COMMD10: variants seen among roughly 807,000 people sequenced by gnomAD.
COMMD10 encodes COMM domain-containing protein 10.
A neutral mutation model predicts 28.9 loss-of-function variants in COMMD10; 33 were observed. The ratio of observed to expected loss-of-function variants is 1.14; its 90% confidence interval spans 0.87 to 1.53. The LOEUF (loss-of-function observed/expected upper bound fraction) is 1.53, where lower values mean the gene tolerates loss of function less well. Ranked by LOEUF, COMMD10 falls within the 40% of genes most tolerant of loss-of-function variation. The pLI is 0.00. For synonymous variants in COMMD10, 110 were observed against 81.7 expected, an observed-to-expected ratio of 1.35 and a Z score of -1.87; for missense variants, 310 against 233.4, an observed-to-expected ratio of 1.33 and a Z score of -2.14.
At chr5:116,288,991 C>G (rs1751292669) in intron 5 of COMMD10, among the ~76,000 whole-genome samples, 1 of 148,984 alleles carries the variant, frequency 6.7e-6, no homozygotes, top group African/African-American at 2.5e-5. Flanking sequence ...AAGTGATTCT[C>G]CTGCCTCAGC....
chr5:116,141,415 T>G (rs1028895923), intron 5 of COMMD10, among the ~76,000 whole-genome samples: 1 of 151,828 alleles, frequency 6.6e-6, no homozygotes, highest in Non-Finnish European at 1.5e-5. Flanking sequence ...CCATGCGAAT[T>G]TTAGAATTTT....
chr5:116,103,167 T>G (rs548842467), intron 4 of COMMD10, among the ~76,000 whole-genome samples: 13 of 152,220 alleles, frequency 8.5e-5, no homozygotes, highest in Non-Finnish European at 1.9e-4. Flanking sequence ...TGATTTATAA[T>G]CCTTTGGGTA....
At chr5:116,221,973 C>A (rs1749271777) in intron 5 of COMMD10, among the ~76,000 whole-genome samples, 1 of 152,178 alleles carries the variant, frequency 6.6e-6, no homozygotes, top group Non-Finnish European at 1.5e-5. Context: ...TGAACTGAAT[C>A]TGTCAATGTC....
intron 5 of COMMD10, among the ~76,000 whole-genome samples, chr5:116,246,029 GA>G (rs1398247395): frequency 2.0e-5 from 3 of 152,052 alleles, no homozygotes; most frequent in Non-Finnish European, 4.4e-5. Flanking sequence ...CAAATAGGAA[GA>G]GAGGAAGTCA....
At chr5:116,263,860 T>C (rs1371499862) in intron 5 of COMMD10, among the ~76,000 whole-genome samples, 2 of 151,716 alleles carry the variant, frequency 1.3e-5, no homozygotes, top group Admixed American at 1.3e-4. Context: ...AAAACCAAAA[T>C]GTACCCCGAC....
intron 4 of COMMD10, among the ~76,000 whole-genome samples, chr5:116,106,992 T>C (rs1750860123): frequency 6.6e-6 from 1 of 152,212 alleles, no homozygotes; most frequent in East Asian, 1.9e-4. Context: ...AGATTAATAT[T>C]GTCATGTGTG....
chr5:116,277,107 GA>G (rs1008956040), intron 5 of COMMD10, among the ~76,000 whole-genome samples: 3 of 151,750 alleles, frequency 2.0e-5, no homozygotes, highest in East Asian at 1.9e-4. Context: ...ACTAAGTTAT[GA>G]AAAAAACCCA....
At chr5:116,127,734 C>T (rs149945829) in intron 4 of COMMD10, among the ~76,000 whole-genome samples, 4,016 of 152,206 alleles carry the variant, frequency 0.026, 103 homozygotes, top group Admixed American at 0.076. Context: ...AATGAGAACA[C>T]TTGGACACAG....
rs373251646 is a variant in COMMD10 at position 116,145,692 on chromosome 5, C to G, written c.510+11514C>G. ...AATCCCCACGTGTCAAGGGAGAGAC[C>G]AGGTGGAGGTAGTTGAATCATGAGG... is the stretch of plus-strand genomic sequence containing the variant. On this transcript the variant is annotated intron_variant, in intron 5 of 6. Transcript: ENST00000274458. Among the ~76,000 whole-genome samples, 120 of 151,896 alleles carry G rather than the reference C, an allele frequency of 7.9e-4. 2 individuals carry two copies. The South Asian group carries it at 0.025, about 31-fold the overall frequency.
intron 5 of COMMD10, among the ~76,000 whole-genome samples, chr5:116,282,825 C>T (rs917082693): frequency 6.6e-6 from 1 of 151,918 alleles, no homozygotes; most frequent in African/African-American, 2.4e-5. Context: ...CCTCCAAGCT[C>T]TGTCTCCAAA....
At chr5:116,211,247 G>A (rs879893763) in intron 5 of COMMD10, among the ~76,000 whole-genome samples, 3 of 152,032 alleles carry the variant, frequency 2.0e-5, no homozygotes, top group Non-Finnish European at 4.4e-5. Flanking sequence ...GTGTTGTTAG[G>A]CAATCTGATC....
chr5:116,163,750 C>G (rs76047299), intron 5 of COMMD10, among the ~76,000 whole-genome samples: 1 of 152,008 alleles, frequency 6.6e-6, no homozygotes, highest in Non-Finnish European at 1.5e-5. Context: ...TAAGTTATGT[C>G]TTCTTAAACC....
At chr5:116,255,042 G>C (rs542851317) in intron 5 of COMMD10, among the ~76,000 whole-genome samples, 324 of 149,758 alleles carry the variant, frequency 2.2e-3, no homozygotes, top group African/African-American at 6.7e-3. Flanking sequence ...GATCCCTTTA[G>C]CAGGATGTAA....
intron 5 of COMMD10, among the ~76,000 whole-genome samples, chr5:116,145,024 A>G (rs1281376168): frequency 1.3e-5 from 2 of 151,864 alleles, no homozygotes; most frequent in African/African-American, 4.8e-5. Context: ...GGAACATTTC[A>G]CTTGTCTTCA....
At chr5:116,138,727 A>G (rs1256134028) in intron 5 of COMMD10, among the ~76,000 whole-genome samples, 2 of 151,706 alleles carry the variant, frequency 1.3e-5, no homozygotes, top group African/African-American at 4.8e-5. Flanking sequence ...AAAGTACTTT[A>G]TGTAGAAGTA....
chr5:116,090,979 A>G (rs1008361595), intron 2 of COMMD10, 100 bp from the exon 3 acceptor site: 4 of 613,326 alleles, frequency 6.5e-6, no homozygotes, highest in Non-Finnish European at 1.1e-5. Flanking sequence ...TTTTTCTTTA[A>G]AGTTCTCATC....
chr5:116,250,292 T>C (rs1348263464), intron 5 of COMMD10, among the ~76,000 whole-genome samples: 1 of 151,894 alleles, frequency 6.6e-6, no homozygotes, highest in Non-Finnish European at 1.5e-5. Context: ...GCATTTGGTA[T>C]AGTAATAATA....
intron 5 of COMMD10, among the ~76,000 whole-genome samples, chr5:116,244,584 G>C (rs1749891624): frequency 6.7e-6 from 1 of 148,762 alleles, no homozygotes; most frequent in Non-Finnish European, 1.5e-5. Context: ...AGTTTCCCCG[G>C]CTGAATCTTA....
Position 116,087,457 on chromosome 5 carries a change from G to C in COMMD10, c.42-40G>C, listed in dbSNP as rs17138858. The C allele has an allele frequency of 6.0e-3, 7,825 of 1,294,906 alleles. 210 individuals carry two copies. The African/African-American group carries it at 0.062, about 10-fold the overall frequency. 80.2% of individuals were successfully genotyped at this position (1,294,906 alleles called of 1,614,324 possible). A position where few individuals can be genotyped will look rare whatever the true frequency, so the allele number is the denominator to read the frequency against. On this transcript the variant is annotated intron_variant, in intron 1 of 6. Transcript: ENST00000274458. Reference sequence around the variant, plus strand: ...ACTATAGAAAGTGCAGTTCAACTTGGAAAACTCATTTCAAAACTCTGTTTT... The same window carrying C: ...ACTATAGAAAGTGCAGTTCAACTTGCAAAACTCATTTCAAAACTCTGTTTT...
Sources: gnomAD v4.1 joint callset for allele counts (sites outside exome capture counted in the v4.1 genomes callset) on GRCh38, gnomAD v4.1.1 for gene constraint, MANE v1.5 for transcripts, NCBI Gene and HGNC (gene_info 2026-07-23, HGNC 2026-07-21) for gene names.